SEMA3G: variants seen among roughly 807,000 people sequenced by gnomAD.
SEMA3G encodes the protein semaphorin 3G, also known as semaphorin-3G.
Under a neutral mutation model 86.2 loss-of-function variants are expected in SEMA3G, and 70 were observed. The observed-to-expected ratio is 0.81, with a 90% CI of 0.67 to 0.99. SEMA3G has a LOEUF of 0.99. Ranked by LOEUF, SEMA3G falls within the 50% of genes least tolerant of loss-of-function variation. The pLI is 0.00. For synonymous variants in SEMA3G, 416 were observed against 441.4 expected (o/e 0.94, Z 0.72); for missense variants, 1,002 against 1,072.4 (o/e 0.93, Z 0.92).
intron 12 of SEMA3G, 34 bp downstream of exon 12, chr3:52,439,646 C>T (rs1244569770): frequency 6.4e-7 from 1 of 1,568,820 alleles, no homozygotes; most frequent in Non-Finnish European, 8.8e-7. Context: ...AGAGATGGGG[C>T]TTGGAGGGAC....
Position 52,438,016 on chromosome 3 carries a change from G to C in SEMA3G, c.1693C>G (p.Arg565Gly). The C allele has an allele frequency of 6.2e-7, 1 of 1,613,004 alleles. No individual in the cohort carries two copies. The highest frequency in any genetic ancestry group is 8.5e-7 in the Non-Finnish European group (1 of 1,179,974). ...CACTGCAGGGCAGGGTTGCCGTGCC[G>C]GATGTCCTGCCGGCGGAACCGGCGC... is the stretch of plus-strand genomic sequence containing the variant. ...GKRRFRRQDIRHGNPALQCLG... is the reference protein window; with the variant it reads ...GKRRFRRQDIGHGNPALQCLG... Residue 565 changes from arginine to glycine, a missense_variant, in exon 14 of 16, where the codon CGG (arginine) becomes GGG (glycine). Transcript: ENST00000231721.
rs767996244 is a variant in SEMA3G, at chr3:52,441,819, C to G, written c.550G>C (p.Asp184His). ...TCACCCTGGCCTGGGCATCACCCAC[C>G]TATGAAGGTGCTGGCAAAGGGACGG... ...PSRPFASTFI[D>H]GELYTGLTAD... Residue 184 changes from aspartate to histidine, a missense_variant and splice_region_variant, in exon 5 of 16, where the codon GAC (aspartate) becomes CAC (histidine). Coordinates refer to ENST00000231721, the MANE Select transcript of SEMA3G (RefSeq NM_020163.3). 1 of 1,607,896 alleles carries G rather than the reference C, an allele frequency of 6.2e-7. No homozygotes were observed. The highest frequency in any genetic ancestry group is 2.2e-5 in the East Asian group (1 of 44,726).
intron 9 of SEMA3G, 30 bp from the exon 10 acceptor site, chr3:52,440,551 G>C: frequency 1.3e-6 from 2 of 1,593,430 alleles, no homozygotes; most frequent in Non-Finnish European, 1.7e-6. Flanking sequence ...AGTCAGGCCA[G>C]AGTGGCCATC....
Position 52,440,485 on chromosome 3 carries a change from G to A in SEMA3G, c.1035C>T (p.His345=), listed in dbSNP as rs953957981. The A allele has an allele frequency of 6.2e-7, 1 of 1,612,056 alleles. No homozygotes were observed. The highest frequency in any genetic ancestry group is 8.5e-7 in the Non-Finnish European group (1 of 1,179,594). Residue 345 remains histidine, a synonymous_variant, in exon 10 of 16, where the codon CAC becomes CAT. Transcript: ENST00000231721. ...VFQGFAVCVY[H]MADIWEVFNG... is the part of the protein sequence containing the mutation. ...TGAAAACCTCCCAGATGTCTGCCATGTGGTACACACAGACGGCGAAGCCCT... is the reference window on the plus strand; with the variant it reads ...TGAAAACCTCCCAGATGTCTGCCATATGGTACACACAGACGGCGAAGCCCT...
intron 10 of SEMA3G, 137 bp downstream of exon 10, chr3:52,440,240 C>T (rs1578257300): frequency 1.8e-6 from 2 of 1,087,918 alleles, no homozygotes; most frequent in Non-Finnish European, 1.3e-6. Context: ...CCCCACCCCA[C>T]CCAGGCCCTC....
At chr3:52,438,854 C>T in intron 13 of SEMA3G, 66 bp downstream of exon 13, 1 of 1,599,130 alleles carries the variant, frequency 6.3e-7, no homozygotes, top group South Asian at 1.1e-5. Flanking sequence ...GGAGCAGGGG[C>T]AGAGGAGGAG....
chr3:52,436,599 C>T (rs544306621), intron 15 of SEMA3G, among the ~76,000 whole-genome samples: 1 of 152,358 alleles, frequency 6.6e-6, no homozygotes, highest in East Asian at 1.9e-4. Flanking sequence ...TGGTCTGAAC[C>T]GTTCATTCCC....
chr3:52,440,462 A>G lies in SEMA3G; in HGVS notation c.1058T>C (p.Phe353Ser). 1 of 1,611,478 alleles carries G rather than the reference A, an allele frequency of 6.2e-7. No homozygotes were observed. The highest frequency in any genetic ancestry group is 8.5e-7 in the Non-Finnish European group (1 of 1,179,414). The change falls in exon 10 of 16, where the codon TTC becomes TCC. Residue 353 changes from phenylalanine to serine, a missense_variant. Coordinates refer to ENST00000231721, the MANE Select transcript of SEMA3G (RefSeq NM_020163.3). The part of the protein sequence containing the change: ...VYHMADIWEV[F>S]NGPFAHRDGP... ...ATCTCGGTGGGCAAAGGGCCCGTTG[A>G]AAACCTCCCAGATGTCTGCCATGTG...
chr3:52,438,420 T>C, intron 13 of SEMA3G: 1 of 985,370 alleles, frequency 1.0e-6, no homozygotes, highest in Non-Finnish European at 1.2e-6. Context: ...AGACCTGGGA[T>C]GTTTTCTCTA....
chr3:52,438,038 G>A lies in SEMA3G; in HGVS notation c.1671C>T (p.Arg557=), dbSNP rs776967764. The A allele has an allele frequency of 6.2e-7, 1 of 1,613,152 alleles. No homozygotes were observed. Among genetic ancestry groups the A allele is most frequent in the Non-Finnish European group, 8.5e-7 (1 of 1,179,998 alleles). Residue 557 remains arginine (R), a synonymous_variant, in exon 14 of 16, where the codon CGC becomes CGT. Transcript: ENST00000231721. ...GCCGGATGTCCTGCCGGCGGAACCG[G>A]CGCTTGCCAAGGCTGGGGCGGTAGT... is the stretch of plus-strand genomic sequence containing the variant. The part of the protein sequence containing the change: ...CTHYRPSLGK[R]RFRRQDIRHG...
intron 15 of SEMA3G, 30 bp downstream of exon 15, chr3:52,437,497 G>A: frequency 6.3e-7 from 1 of 1,594,944 alleles, no homozygotes; most frequent in Non-Finnish European, 8.6e-7. Flanking sequence ...AGGACACACA[G>A]AGGCTAGAGG....
rs1221499764 is a variant in SEMA3G at position 52,437,663 on chromosome 3, T to C, written c.1742A>G (p.Glu581Gly). Residue 581 changes from glutamate (E) to glycine (G), a missense_variant, in exon 15 of 16, where the codon GAG becomes GGG. Transcript: ENST00000231721. ...GGTGGCTGCCACAAGTCCCACTGCC[T>C]CTTCTGGAGAGAGGCAGAGGTTGGC... ...LQCLGQSQEE[E>G]AVGLVAATMV... is the part of the protein sequence containing the mutation. 1 of 1,609,044 alleles carries C rather than the reference T, an allele frequency of 6.2e-7. No homozygotes were observed. The highest frequency in any genetic ancestry group is 2.2e-5 in the East Asian group (1 of 44,758).
In SEMA3G at chr3:52,438,039, C is replaced by G; in HGVS notation, c.1670G>C (p.Arg557Pro). 6.2e-7 allele frequency: 1 copy of G among 1,613,154 alleles called. No individual in the cohort carries two copies. The highest frequency in any genetic ancestry group is 8.5e-7 in the Non-Finnish European group (1 of 1,179,994). Residue 557 changes from arginine to proline, a missense_variant, in exon 14 of 16, where the codon CGC becomes CCC. Transcript: ENST00000231721. ...CTHYRPSLGK[R>P]RFRRQDIRHG... ...CCGGATGTCCTGCCGGCGGAACCGG[C>G]GCTTGCCAAGGCTGGGGCGGTAGTG... is the stretch of plus-strand genomic sequence containing the variant.
Position 52,434,085 on chromosome 3 carries a change from C to G in SEMA3G, c.*1518G>C, listed in dbSNP as rs932494867. On this transcript the variant is annotated 3_prime_UTR_variant, in exon 16 of 16. Coordinates refer to ENST00000231721, the MANE Select transcript of SEMA3G (RefSeq NM_020163.3). This position sits in a 1 kb window ranked among gnomAD's most constrained non-coding sequence, Gnocchi z 5.2. ...TTTGAGTTTCAATAGGGCAGGGAACCCTGGCTTGCTTTTTATCTTTTTTTC... is the reference window on the plus strand; with the variant it reads ...TTTGAGTTTCAATAGGGCAGGGAACGCTGGCTTGCTTTTTATCTTTTTTTC... 7.2e-5 allele frequency: 11 copies of G among 152,000 alleles called. No homozygotes were observed. Among genetic ancestry groups the G allele is most frequent in the African/African-American group, 2.4e-4 (10 of 41,362 alleles). The allele number at this position is 152,000 out of a possible 1,614,324, so 9.4% of individuals were successfully genotyped here.
intron 1 of SEMA3G, 190 bp from the exon 2 acceptor site, chr3:52,443,097 G>A (rs12489938): frequency 6.6e-7 from 1 of 1,513,458 alleles, no homozygotes; most frequent in Admixed American, 2.0e-5. Context: ...GGGAGGCTCA[G>A]AGCCTCCCAC....
chr3:52,439,803 G>C (rs747932880), intron 11 of SEMA3G, 32 bp from the exon 12 acceptor site: 6 of 1,610,778 alleles, frequency 3.7e-6, no homozygotes, highest in African/African-American at 1.3e-5. Flanking sequence ...CAGCGGGACA[G>C]GAGGGGACAG....
rs1706118867 is a variant in SEMA3G, at chr3:52,440,089, T to C, written c.1153A>G (p.Lys385Glu). The C allele has an allele frequency of 6.3e-7, 1 of 1,580,894 alleles. No homozygotes were observed. Among genetic ancestry groups the C allele is most frequent in the East Asian group, 2.3e-5 (1 of 44,226 alleles). ...GGCCGTCCTGGCTGTGCGGTCATCT[T>C]GCTGGGGCACTGTGGGCAGCAGGGA... ...PFPRPGVCPSKMTAQPGRPFG... is the reference protein window; with the variant it reads ...PFPRPGVCPSEMTAQPGRPFG... The change falls in exon 11 of 16, where the codon AAG becomes GAG. Residue 385 changes from lysine to glutamate, a missense_variant. Physicochemically the swap from Lys to Glu is moderately conservative, Grantham distance 56. Coordinates refer to ENST00000231721, the MANE Select transcript of SEMA3G (RefSeq NM_020163.3).
Position 52,435,023 on chromosome 3 carries a change from C to G in SEMA3G, c.*580G>C, listed in dbSNP as rs1294462970. On this transcript the variant is annotated 3_prime_UTR_variant, in exon 16 of 16. Transcript: ENST00000231721. ...TCTCAGATGGAGAAGAGGCGGTGGG[C>G]AGTGGCAGGGAGCCACCAAGATATC... The G allele has an allele frequency of 5.2e-5, 8 of 154,248 alleles. No individual in the cohort carries two copies. Among genetic ancestry groups the G allele is most frequent in the Non-Finnish European group, 8.6e-5 (6 of 69,552 alleles). 9.6% of individuals were successfully genotyped at this position (154,248 alleles called of 1,614,324 possible).
chr3:52,443,747 G>T (rs1486875967), intron 1 of SEMA3G, among the ~76,000 whole-genome samples: 1 of 152,162 alleles, frequency 6.6e-6, no homozygotes, highest in Non-Finnish European at 1.5e-5. Context: ...CCTATTTGGG[G>T]CTTTTTCTAG....
Sources: gnomAD v4.1 joint callset for allele counts (sites outside exome capture counted in the v4.1 genomes callset) on GRCh38, gnomAD v4.1.1 for gene constraint, Gnocchi (gnomAD v3.1) non-coding constraint, MANE v1.5 for transcripts, NCBI Gene and HGNC (gene_info 2026-07-23, HGNC 2026-07-21) for gene names.